Variants in LIPC observed in about 807,000 individuals in gnomAD.
The protein encoded by LIPC is lipase C, hepatic type.
Under a neutral mutation model 50.7 loss-of-function variants are expected in LIPC, and 44 were observed. That is an observed-to-expected ratio of 0.87 (90% CI 0.68 to 1.11). LIPC has a LOEUF of 1.11. Ranked by LOEUF, LIPC falls within the 50% of genes most tolerant of loss-of-function variation. The pLI, the probability that LIPC is intolerant of heterozygous loss-of-function variation, is 0.00. For synonymous variants in LIPC, 271 were observed against 256.4 expected (o/e 1.06, Z -0.54); for missense variants, 697 against 648.2 (o/e 1.08, Z -0.82).
chr15:58,535,015 T>G lies in LIPC; in HGVS notation c.89-3318T>G, dbSNP rs138322301. Among the ~76,000 whole-genome samples the G allele has an allele frequency of 3.0e-3, 456 of 152,300 alleles. 3 individuals carry two copies. Among genetic ancestry groups the G allele is most frequent in the African/African-American group, 0.01 (434 of 41,570 alleles). On this transcript the variant is annotated intron_variant, in intron 1 of 8. Coordinates refer to ENST00000299022, the MANE Select transcript of LIPC (RefSeq NM_000236.3). Reference sequence around the variant, plus strand: ...CAACAGCCCTTCAACTCTCATGTCATCCTCCCAATCTTATTTTTATAGGCA... The same window carrying G: ...CAACAGCCCTTCAACTCTCATGTCAGCCTCCCAATCTTATTTTTATAGGCA...
At chr15:58,439,562 G>A (rs1441357901) in intron 1 of LIPC, among the ~76,000 whole-genome samples, 1 of 152,152 alleles carries the variant, frequency 6.6e-6, no homozygotes, top group Admixed American at 6.5e-5. Context: ...TCCTGCCTCA[G>A]CCTCCTGAGT....
chr15:58,547,077 G>T (rs1047340671), intron 5 of LIPC, among the ~76,000 whole-genome samples: 1 of 152,056 alleles, frequency 6.6e-6, no homozygotes, highest in African/African-American at 2.4e-5. Context: ...TTATTTTCCT[G>T]GTAAACACAT....
intron 1 of LIPC, among the ~76,000 whole-genome samples, chr15:58,487,377 G>A (rs1437302021): frequency 6.6e-6 from 1 of 152,176 alleles, no homozygotes. Flanking sequence ...CAGACTGCTT[G>A]GTACAAAGTA....
intron 1 of LIPC, among the ~76,000 whole-genome samples, chr15:58,515,552 A>ATATATC (rs1321999770): frequency 6.6e-5 from 10 of 150,964 alleles, no homozygotes; most frequent in Middle Eastern, 3.2e-3. Flanking sequence ...ATATATATAT[A>ATATATC]TCTCAAAATA....
At chr15:58,494,976 C>A (rs1891717021) in intron 1 of LIPC, 4 of 426,440 alleles carry the variant, frequency 9.4e-6, no homozygotes, top group South Asian at 5.1e-5. Flanking sequence ...TGTCATTGAT[C>A]CAACATCAAC....
chr15:58,565,207 T>C (rs1894322231), intron 8 of LIPC: 1 of 1,535,692 alleles, frequency 6.5e-7, no homozygotes, highest in East Asian at 2.4e-5. Flanking sequence ...TCTGGGAAGA[T>C]TAAACTGCTC....
chr15:58,488,297 A>G (rs1439214650), intron 1 of LIPC, among the ~76,000 whole-genome samples: 1 of 152,194 alleles, frequency 6.6e-6, no homozygotes. Context: ...AGACTGCTCA[A>G]TTCCTGAGAC....
intron 1 of LIPC, among the ~76,000 whole-genome samples, chr15:58,497,158 C>T (rs1051199047): frequency 1.3e-5 from 2 of 152,160 alleles, no homozygotes; most frequent in East Asian, 1.9e-4. Flanking sequence ...AGCTGAGCCA[C>T]GAAGAAGGCT....
At chr15:58,462,216 C>T (rs561068277) in intron 1 of LIPC, among the ~76,000 whole-genome samples, 1 of 152,284 alleles carries the variant, frequency 6.6e-6, no homozygotes, top group East Asian at 1.9e-4. Flanking sequence ...GCTTTGAAGG[C>T]AGAGAGAGGC....
chr15:58,460,281 C>G (rs191647896), intron 1 of LIPC, among the ~76,000 whole-genome samples: 1 of 152,138 alleles, frequency 6.6e-6, no homozygotes, highest in Non-Finnish European at 1.5e-5. Flanking sequence ...GCAGGAGAAG[C>G]AGTGAGGTAG....
At chr15:58,465,882 T>C (rs1894544467) in intron 1 of LIPC, among the ~76,000 whole-genome samples, 1 of 152,186 alleles carries the variant, frequency 6.6e-6, no homozygotes, top group Non-Finnish European at 1.5e-5. Context: ...GAGACAATCA[T>C]AGCCCTCGAT....
chr15:58,476,022 C>A (rs1264010094), intron 1 of LIPC, among the ~76,000 whole-genome samples: 2 of 152,254 alleles, frequency 1.3e-5, no homozygotes, highest in African/African-American at 4.8e-5. Flanking sequence ...ATGGTTCTTA[C>A]ACCAGGCAGC....
At chr15:58,537,748 C>T (rs1260645261) in intron 1 of LIPC, among the ~76,000 whole-genome samples, 1 of 152,210 alleles carries the variant, frequency 6.6e-6, no homozygotes, top group Admixed American at 6.5e-5. Flanking sequence ...CACCCTCCCT[C>T]AAGCGGCATC....
chr15:58,559,712 A>AC (rs762763192), intron 6 of LIPC, among the ~76,000 whole-genome samples: 3,149 of 151,938 alleles, frequency 0.021, 71 homozygotes, highest in Non-Finnish European at 0.031. Context: ...CAAAAAAAAA[A>AC]AAAAAAAAAA....
At chr15:58,501,172 G>A (rs981121209) in intron 1 of LIPC, among the ~76,000 whole-genome samples, 32 of 151,700 alleles carry the variant, frequency 2.1e-4, no homozygotes, top group Non-Finnish European at 1.5e-4. Context: ...CTCTACAACC[G>A]CACGCCTCAC....
At chr15:58,453,212 C>T (rs1424547511) in intron 1 of LIPC, among the ~76,000 whole-genome samples, 3 of 152,126 alleles carry the variant, frequency 2.0e-5, no homozygotes, top group Non-Finnish European at 4.4e-5. Flanking sequence ...GGCACAACCC[C>T]CACGTTGCCA....
chr15:58,515,065 T>C (rs1159777752), intron 1 of LIPC, among the ~76,000 whole-genome samples: 1 of 152,158 alleles, frequency 6.6e-6, no homozygotes, highest in Non-Finnish European at 1.5e-5. Context: ...CCTTCCTATA[T>C]CTTTAAAGCC....
At chr15:58,491,166 G>C (rs1395249254) in intron 1 of LIPC, among the ~76,000 whole-genome samples, 2 of 152,098 alleles carry the variant, frequency 1.3e-5, no homozygotes, top group Non-Finnish European at 2.9e-5. Context: ...ACACACGCCC[G>C]CCCCATCGCC....
intron 1 of LIPC, among the ~76,000 whole-genome samples, chr15:58,505,421 A>G (rs1349300869): frequency 6.6e-6 from 1 of 152,210 alleles, no homozygotes; most frequent in Non-Finnish European, 1.5e-5. Context: ...AATATACAAA[A>G]AAATGTTGAC....
Sources: allele counts gnomAD v4.1 joint callset (sites outside exome capture counted in the v4.1 genomes callset), GRCh38; gene constraint gnomAD v4.1.1; transcripts MANE v1.5; gene names NCBI Gene and HGNC (gene_info 2026-07-23, HGNC 2026-07-21).